Variants in TTN observed in about 807,000 individuals in gnomAD.
The protein encoded by TTN is titin.
A neutral mutation model predicts 3,223.0 loss-of-function variants in TTN; 1,525 were observed. The ratio of observed to expected loss-of-function variants is 0.47; its 90% CI spans 0.45 to 0.49. The LOEUF (loss-of-function observed/expected upper bound fraction) is 0.49. Ranked by LOEUF, TTN falls within the 20% of genes least tolerant of loss-of-function variation. The pLI, the probability that TTN is intolerant of heterozygous loss-of-function variation, is 0.00. For missense variants in TTN, 40,786 were observed against 43,424.0 expected (o/e 0.94, Z 5.40); for synonymous variants, 14,094 against 15,161.0 (o/e 0.93, Z 5.17).
intron 90 of TTN, 73 bp downstream of exon 90, chr2:178,714,913 G>A (rs1367333102): frequency 1.3e-6 from 2 of 1,528,218 alleles, no homozygotes; most frequent in African/African-American, 2.8e-5. Flanking sequence ...AGACTGGGCT[G>A]GGGTGGAGGG....
intron 43 of TTN, among the ~76,000 whole-genome samples, chr2:178,762,210 C>T (rs1345364901): frequency 6.6e-6 from 1 of 152,138 alleles, no homozygotes; most frequent in African/African-American, 2.4e-5. Flanking sequence ...TGGTATGAAA[C>T]TATGTGAGTT....
In TTN at chr2:178,775,621, G is replaced by A. The variant is rs770052197; in HGVS notation, c.6243C>T (p.Phe2081=). 1.4e-5 allele frequency: 23 copies of A among 1,613,960 alleles called. No homozygotes were observed. The highest frequency in any genetic ancestry group is 3.3e-5 in the South Asian group (3 of 91,080). ...CCACTGTTTGGCTCTGGATTCTTTC[G>A]AAGATTTTTGGAGCCTCCATACTAG... ...LSPSMEAPKI[F]ERIQSQTVGQ... The change falls in exon 28 of 363, where the codon TTC becomes TTT. Residue 2081 remains phenylalanine (F), a synonymous_variant. Coordinates refer to ENST00000589042, the MANE Select transcript of TTN (RefSeq NM_001267550.2).
At position 178,679,939 on chromosome 2, in the gene TTN, C is replaced by G. The variant is rs1189153179; in HGVS notation, c.33535G>C (p.Glu11179Gln). 6.2e-7 allele frequency: 1 copy of G among 1,613,034 alleles called. No individual in the cohort carries two copies. Among genetic ancestry groups the G allele is most frequent in the Non-Finnish European group, 8.5e-7 (1 of 1,179,400 alleles). Reference sequence around the variant, plus strand: ...ACCACTTCTTCCTCAGTTATGAACTCCTCTTCTTCATGAATGTACTCTTCT... The same window carrying G: ...ACCACTTCTTCCTCAGTTATGAACTGCTCTTCTTCATGAATGTACTCTTCT... ...EEEEYIHEEEEFITEEEVVPV... is the reference protein window; with the variant it reads ...EEEEYIHEEEQFITEEEVVPV... Residue 11179 changes from glutamate to glutamine, a missense_variant, in exon 140 of 363, where the codon GAG (glutamate) becomes CAG (glutamine). Physicochemically the swap from Glu to Gln is conservative, Grantham distance 29. Coordinates refer to ENST00000589042, the MANE Select transcript of TTN (RefSeq NM_001267550.2).
rs2080640128 is a variant in TTN at position 178,732,080 on chromosome 2, A to G, written c.16889T>C (p.Ile5630Thr). The G allele has an allele frequency of 2.5e-6, 4 of 1,606,016 alleles. No homozygotes were observed. The highest frequency in any genetic ancestry group is 2.2e-5 in the South Asian group (2 of 90,140). The part of the protein sequence containing the change: ...NEAGSDHCSS[I>T]VIVKESPYFT... Reference sequence around the variant, plus strand: ...TGAACACAAACCTTTGACTATTACAATGCTACTGCAGTGGTCACTGCCAGC... The same window carrying G: ...TGAACACAAACCTTTGACTATTACAGTGCTACTGCAGTGGTCACTGCCAGC... Residue 5630 changes from isoleucine (I) to threonine (T), a missense_variant, in exon 57 of 363, where the codon ATT (isoleucine) becomes ACT (threonine). Coordinates refer to ENST00000589042, the MANE Select transcript of TTN (RefSeq NM_001267550.2).
chr2:178,742,767 G>A (rs1434229846), intron 47 of TTN: 1 of 152,020 alleles, frequency 6.6e-6, no homozygotes, highest in African/African-American at 2.4e-5. Flanking sequence ...ATGTAGAACA[G>A]GCCTGTTATT....
chr2:178,779,485 G>C, intron 22 of TTN, 23 bp from the exon 23 acceptor site: 2 of 1,361,874 alleles, frequency 1.5e-6, no homozygotes, highest in Non-Finnish European at 2.1e-6. Context: ...ATTATGGTCT[G>C]TTAAAAATAC....
At position 178,534,490 on chromosome 2, in the gene TTN, ATC is replaced by A. The variant is rs1444206791; in HGVS notation, c.102123_102124del (p.Glu34041AspfsTer2). The A allele has an allele frequency of 6.2e-7, 1 of 1,613,660 alleles. No individual in the cohort carries two copies. Among genetic ancestry groups the A allele is most frequent in the Non-Finnish European group, 8.5e-7 (1 of 1,179,818 alleles). On this transcript the variant is annotated frameshift_variant, in exon 358 of 363. Coordinates refer to ENST00000589042, the MANE Select transcript of TTN (RefSeq NM_001267550.2). LOFTEE classifies it high-confidence loss of function. ...AACAAAATCCATGGCTTCAATGCTAATCTCTTTGAATGCTTCCTCATCGAAAG... is the reference window on the plus strand; with the variant it reads ...AACAAAATCCATGGCTTCAATGCTAATCTTTGAATGCTTCCTCATCGAAAG...
At position 178,592,945 on chromosome 2, in the gene TTN, T is replaced by A. The variant is rs1434751540; in HGVS notation, c.59174A>T (p.Glu19725Val). ...YIVEYQKVGD[E>V]EWRRANHTPE... ...GGTGTGATTGGCTCTTCTCCACTCT[T>A]CATCTCCAACTTTCTGGTACTCAAC... The change falls in exon 300 of 363, where the codon GAA becomes GTA. Residue 19725 changes from glutamate (E) to valine (V), a missense_variant. Physicochemically the swap from Glu to Val is moderately radical, Grantham distance 121. Transcript: ENST00000589042. 1.2e-6 allele frequency: 2 copies of A among 1,613,520 alleles called. No homozygotes were observed. The highest frequency in any genetic ancestry group is 1.1e-5 in the South Asian group (1 of 91,078).
chr2:178,604,752 C>T lies in TTN; in HGVS notation c.54337G>A (p.Glu18113Lys). 1.2e-6 allele frequency: 2 copies of T among 1,612,016 alleles called. No individual in the cohort carries two copies. The highest frequency in any genetic ancestry group is 1.7e-6 in the Non-Finnish European group (2 of 1,178,806). The part of the protein sequence containing the change: ...DKRDASRKKA[E>K]WEEVTNTAVE... ...GCAGTGTTGGTGACTTCCTCCCATT[C>T]TGCTTTCTTCCTACTTGCATCACGT... is the stretch of plus-strand genomic sequence containing the variant. Residue 18113 changes from glutamate to lysine, a missense_variant, in exon 281 of 363, where the codon GAA (glutamate) becomes AAA (lysine). Physicochemically the swap from Glu to Lys is moderately conservative, Grantham distance 56 (BLOSUM62 1). Coordinates refer to ENST00000589042, the MANE Select transcript of TTN (RefSeq NM_001267550.2).
chr2:178,767,565 A>T (rs2090693785), intron 40 of TTN, among the ~76,000 whole-genome samples, 194 bp downstream of exon 40: 1 of 152,216 alleles, frequency 6.6e-6, no homozygotes, highest in Non-Finnish European at 1.5e-5. Context: ...GCTGCTAGGG[A>T]CACCCTTATT....
In TTN at chr2:178,552,703, A is replaced by ACATATTCTGTGATGACGCTACCAC; in HGVS notation, c.90173_90196dup (p.Gly30058_Tyr30065dup). ...TTCACCTTTACCTTTCCTTTCTACA[A>ACATATTCTGTGATGACGCTACCAC]CATATTCTGTGATGACGCTACCACC... On this transcript the variant is annotated inframe_insertion, in exon 335 of 363. Transcript: ENST00000589042. 6.2e-7 allele frequency: 1 copy of ACATATTCTGTGATGACGCTACCAC among 1,613,862 alleles called. No homozygotes were observed. The highest frequency in any genetic ancestry group is 8.5e-7 in the Non-Finnish European group (1 of 1,179,826).
chr2:178,700,541 G>A (rs1056721687), intron 111 of TTN, among the ~76,000 whole-genome samples: 7 of 152,110 alleles, frequency 4.6e-5, no homozygotes, highest in Non-Finnish European at 8.8e-5. Context: ...AGAAGCTTTG[G>A]GACACAAATA....
chr2:178,679,234 T>G, intron 142 of TTN, 105 bp downstream of exon 142: 1 of 1,199,288 alleles, frequency 8.3e-7, no homozygotes, highest in South Asian at 1.3e-5. Flanking sequence ...GTCATGGCAT[T>G]AATGTTGTTA....
At chr2:178,750,091 T>A in intron 47 of TTN, 1 of 1,613,234 alleles carries the variant, frequency 6.2e-7, no homozygotes, top group South Asian at 1.1e-5. Context: ...CCTGAATTTC[T>A]ACAGGAAAGG....
chr2:178,649,409 A>T, intron 212 of TTN, 78 bp from the exon 213 acceptor site: 1 of 1,339,884 alleles, frequency 7.5e-7, no homozygotes, highest in Non-Finnish European at 9.9e-7. Context: ...ACCTGTATTT[A>T]TTGGAGCAGC....
rs2060226377 is a variant in TTN, at chr2:178,634,831, C to T, written c.42043G>A (p.Glu14015Lys). Residue 14015 changes from glutamate (E) to lysine (K), a missense_variant, in exon 229 of 363, where the codon GAA (glutamate) becomes AAA (lysine). Glu to Lys is a moderately conservative substitution (Grantham distance 56). Coordinates refer to ENST00000589042, the MANE Select transcript of TTN (RefSeq NM_001267550.2). This position sits in a 1 kb window ranked among gnomAD's most constrained non-coding sequence, Gnocchi z 4.6. ...RPSPTCEIKA[E>K]GGKRFLTLHK... ...AAAGTTAAGAAGCGTTTTCCACCTTCTGCTTTGATTTCACAAGTCTGAAAA... is the reference window on the plus strand; with the variant it reads ...AAAGTTAAGAAGCGTTTTCCACCTTTTGCTTTGATTTCACAAGTCTGAAAA... 6.2e-7 allele frequency: 1 copy of T among 1,610,468 alleles called. No individual in the cohort carries two copies. Among genetic ancestry groups the T allele is most frequent in the Non-Finnish European group, 8.5e-7 (1 of 1,178,808 alleles).
At chr2:178,782,129 G>C in intron 20 of TTN, 83 bp downstream of exon 20, 1 of 1,497,634 alleles carries the variant, frequency 6.7e-7, no homozygotes, top group Non-Finnish European at 9.3e-7. Flanking sequence ...GCTCAGGGTC[G>C]GTGGGGTGAG....
chr2:178,639,350 T>C (rs1458703075), intron 223 of TTN, among the ~76,000 whole-genome samples: 1 of 152,036 alleles, frequency 6.6e-6, no homozygotes, highest in African/African-American at 2.4e-5. Flanking sequence ...TAAGGGAAAT[T>C]TGAAGCTTCA....
At position 178,795,195 on chromosome 2, in the gene TTN, T is replaced by G; in HGVS notation, c.972A>C (p.Pro324=). 1 of 1,614,144 alleles carries G rather than the reference T, an allele frequency of 6.2e-7. No individual in the cohort carries two copies. Among genetic ancestry groups the G allele is most frequent in the Non-Finnish European group, 8.5e-7 (1 of 1,180,014 alleles). ...ATGCCTGAGTCTTACGCATGAGCAA[T>G]GGAGACCTAACAGACCTGATGGGGG... ...STSPIRSVRS[P]LLMRKTQAST... The change falls in exon 7 of 363, where the codon CCA becomes CCC. Residue 324 remains proline (P), a synonymous_variant. Coordinates refer to ENST00000589042, the MANE Select transcript of TTN (RefSeq NM_001267550.2).
Sources: gnomAD v4.1 joint callset for allele counts (sites outside exome capture counted in the v4.1 genomes callset) on GRCh38, gnomAD v4.1.1 for gene constraint, Gnocchi (gnomAD v3.1) non-coding constraint, MANE v1.5 for transcripts, NCBI Gene and HGNC (gene_info 2026-07-23, HGNC 2026-07-21) for gene names.